The following EIF2AK2 variants were observed in gnomAD, a reference collection of about 807,000 sequenced individuals.
EIF2AK2 encodes eukaryotic translation initiation factor 2 alpha kinase 2.
A neutral mutation model predicts 70.5 loss-of-function variants in EIF2AK2; 40 were observed. The ratio of observed to expected loss-of-function variants is 0.57; its 90% CI spans 0.44 to 0.74. The LOEUF (loss-of-function observed/expected upper bound fraction) is 0.74. Ranked by LOEUF, EIF2AK2 falls within the 30% of genes least tolerant of loss-of-function variation. EIF2AK2 has a pLI of 0.00. For synonymous variants in EIF2AK2, 198 were observed against 220.9 expected (o/e 0.90, Z 0.92); for missense variants, 555 against 644.3 (o/e 0.86, Z 1.50).
chr2:37,132,514 C>T (rs1674978595), intron 10 of EIF2AK2, among the ~76,000 whole-genome samples: 1 of 152,052 alleles, frequency 6.6e-6, no homozygotes, highest in Admixed American at 6.6e-5. Flanking sequence ...GCTTGAACCC[C>T]AGAGGCAGAG....
chr2:37,120,200 T>G, intron 12 of EIF2AK2, 61 bp from the exon 13 acceptor site: 1 of 1,078,204 alleles, frequency 9.3e-7, no homozygotes, highest in African/African-American at 1.6e-5. Context: ...TAAAAAATTT[T>G]TTATAACTTT....
intron 3 of EIF2AK2, among the ~76,000 whole-genome samples, chr2:37,147,229 A>C (rs1428183029): frequency 6.6e-6 from 1 of 152,154 alleles, no homozygotes; most frequent in African/African-American, 2.4e-5. Context: ...CACTCTCACA[A>C]AACTAAAGTG....
intron 13 of EIF2AK2, chr2:37,115,378 T>A (rs1160057527): frequency 6.5e-6 from 1 of 153,338 alleles, no homozygotes; most frequent in Non-Finnish European, 1.4e-5. Context: ...AAGGATTTCT[T>A]AGCTGACACC....
At chr2:37,151,294 A>G (rs1675732889) in intron 1 of EIF2AK2, among the ~76,000 whole-genome samples, 1 of 152,234 alleles carries the variant, frequency 6.6e-6, no homozygotes, top group Admixed American at 6.5e-5. Flanking sequence ...GGGCTTGAAC[A>G]GACATCTCTC....
In EIF2AK2 at chr2:37,103,003, C is replaced by CGGTG. The variant is rs1553333720; in HGVS notation, c.*4269_*4270insCACC. ...TATATTAAAATGGCTCTCAAAATTT[C>CGGTG]TGTGTGTGTGTGTGTGTGTGTGCAT... On this transcript the variant is annotated 3_prime_UTR_variant, in exon 17 of 17. Coordinates refer to ENST00000233057, the MANE Select transcript of EIF2AK2 (RefSeq NM_001135651.3). The CGGTG allele has an allele frequency of 6.7e-6, 1 of 149,052 alleles. No homozygotes were observed. Among genetic ancestry groups the CGGTG allele is most frequent in the African/African-American group, 2.5e-5 (1 of 40,464 alleles). 9.2% of individuals were successfully genotyped at this position (149,052 alleles called of 1,614,324 possible).
chr2:37,113,661 A>G (rs1024608982), intron 14 of EIF2AK2, among the ~76,000 whole-genome samples: 4 of 152,186 alleles, frequency 2.6e-5, no homozygotes, highest in Non-Finnish European at 5.9e-5. Context: ...TGAGAACTTA[A>G]TTATGAGAAA....
At chr2:37,110,845 G>A (rs150169218) in intron 14 of EIF2AK2, among the ~76,000 whole-genome samples, 16 of 152,246 alleles carry the variant, frequency 1.1e-4, no homozygotes, top group Non-Finnish European at 2.4e-4. Context: ...AAACTCAACA[G>A]CTGTACACCC....
chr2:37,127,652 C>A (rs1256695394), intron 10 of EIF2AK2, among the ~76,000 whole-genome samples: 1 of 152,118 alleles, frequency 6.6e-6, no homozygotes, highest in Non-Finnish European at 1.5e-5. Flanking sequence ...ACAACTGTGA[C>A]CCCAGAGAAA....
intron 14 of EIF2AK2, among the ~76,000 whole-genome samples, chr2:37,111,221 G>T (rs576308767): frequency 2.6e-5 from 4 of 152,184 alleles, no homozygotes; most frequent in Non-Finnish European, 5.9e-5. Context: ...GTGGATGTAT[G>T]GTGGTGATGA....
In EIF2AK2 at chr2:37,102,938, G is replaced by A. The variant is rs928596016; in HGVS notation, c.*4335C>T. ...GTATTTAAATAACATGTGGTTTAGT[G>A]ATAAAAATTCCCTAAAAGGTATGTT... On this transcript the variant is annotated 3_prime_UTR_variant, in exon 17 of 17. Coordinates refer to ENST00000233057, the MANE Select transcript of EIF2AK2 (RefSeq NM_001135651.3). 2.0e-5 allele frequency: 3 copies of A among 151,974 alleles called. No individual in the cohort carries two copies. Among genetic ancestry groups the A allele is most frequent in the African/African-American group, 7.3e-5 (3 of 41,362 alleles). 9.4% of individuals were successfully genotyped at this position (151,974 alleles called of 1,614,324 possible).
chr2:37,135,657 C>T, intron 9 of EIF2AK2, 111 bp from the exon 10 acceptor site: 1 of 897,576 alleles, frequency 1.1e-6, no homozygotes, highest in Non-Finnish European at 1.7e-6. Flanking sequence ...GAGGCAAGGT[C>T]TCACCCCATC....
At position 37,116,796 on chromosome 2, in the gene EIF2AK2, C is replaced by T. The variant is rs1019150287; in HGVS notation, c.1249-1937G>A. On this transcript the variant is annotated intron_variant, in intron 13 of 16. Coordinates refer to ENST00000233057, the MANE Select transcript of EIF2AK2 (RefSeq NM_001135651.3). ...CAGGATTGCAAGTGAAACTGCTAGT[C>T]CCACATAAGGCTATCACCTGACTCT... Among the ~76,000 whole-genome samples the T allele has an allele frequency of 8.5e-5, 13 of 152,290 alleles. No homozygotes were observed. In the South Asian group the frequency reaches 2.5e-3, roughly 29 times the overall value.
intron 8 of EIF2AK2, 117 bp from the exon 9 acceptor site, chr2:37,137,134 A>G (rs1675156149): frequency 2.7e-6 from 2 of 751,540 alleles, no homozygotes; most frequent in East Asian, 2.9e-5. Flanking sequence ...TAGTCCATCA[A>G]TGTCTGTACT....
chr2:37,146,836 A>AG lies in EIF2AK2; in HGVS notation c.240+16_240+17insC, dbSNP rs1409971830. The AG allele has an allele frequency of 2.7e-6, 4 of 1,469,104 alleles. No homozygotes were observed. Among genetic ancestry groups the AG allele is most frequent in the Non-Finnish European group, 3.6e-6 (4 of 1,110,178 alleles). The allele number at this position is 1,469,104 out of a possible 1,614,324, so 91.0% of individuals were successfully genotyped here. A position where few individuals can be genotyped will look rare whatever the true frequency, so the allele number is the denominator to read the frequency against. ...TTTGCAAGTTCCCATTTATTAGGAA[A>AG]AAAGGCAATCACTCACCTTCTTTTC... On this transcript the variant is annotated intron_variant, in intron 4 of 16. Coordinates refer to ENST00000233057, the MANE Select transcript of EIF2AK2 (RefSeq NM_001135651.3).
chr2:37,119,917 T>A (rs1020873428), intron 13 of EIF2AK2, 42 bp downstream of exon 13: 3 of 1,080,774 alleles, frequency 2.8e-6, no homozygotes, highest in Non-Finnish European at 3.6e-6. Context: ...AAAATTACTA[T>A]ATTATATATA....
intron 10 of EIF2AK2, among the ~76,000 whole-genome samples, chr2:37,133,180 A>G (rs1427593943): frequency 6.6e-6 from 1 of 152,092 alleles, no homozygotes; most frequent in Non-Finnish European, 1.5e-5. Flanking sequence ...ACACATAAAG[A>G]CTGGGTTACA....
chr2:37,138,024 C>T (rs772087795), intron 8 of EIF2AK2, among the ~76,000 whole-genome samples: 3 of 150,398 alleles, frequency 2.0e-5, no homozygotes, highest in Non-Finnish European at 2.9e-5. Flanking sequence ...GCAGGAGAAT[C>T]GCTTGAACCA....
chr2:37,135,091 G>A (rs933444084), intron 10 of EIF2AK2, among the ~76,000 whole-genome samples: 23 of 152,164 alleles, frequency 1.5e-4, no homozygotes, highest in African/African-American at 4.1e-4. Context: ...CTCCTCGGCT[G>A]GAGTAGTCCT....
At chr2:37,136,458 C>T (rs1377821556) in intron 9 of EIF2AK2, among the ~76,000 whole-genome samples, 1 of 152,218 alleles carries the variant, frequency 6.6e-6, no homozygotes, top group Non-Finnish European at 1.5e-5. Context: ...TCTCTTCTCT[C>T]CATCCAAGCA....
Sources: gnomAD v4.1 joint callset for allele counts (sites outside exome capture counted in the v4.1 genomes callset) on GRCh38, gnomAD v4.1.1 for gene constraint, MANE v1.5 for transcripts, NCBI Gene and HGNC (gene_info 2026-07-23, HGNC 2026-07-21) for gene names.